Variants in PTBP2 observed in about 807,000 individuals in gnomAD.
PTBP2 encodes the protein polypyrimidine tract binding protein 2, also known as polypyrimidine tract-binding protein 2.
Under a neutral mutation model 61.4 loss-of-function variants are expected in PTBP2, and 13 were observed. The observed-to-expected ratio is 0.21, with a 90% confidence interval of 0.14 to 0.34. The LOEUF (loss-of-function observed/expected upper bound fraction) is 0.34. Ranked by LOEUF, PTBP2 falls within the 10% of genes least tolerant of loss-of-function variation. PTBP2 has a pLI of 1.00. For synonymous variants in PTBP2, 215 were observed against 218.5 expected, an observed-to-expected ratio of 0.98 and a Z score of 0.14; for missense variants, 405 against 642.6, an observed-to-expected ratio of 0.63 and a Z score of 4.00.
At chr1:96,747,592 G>T (rs993394771) in intron 2 of PTBP2, among the ~76,000 whole-genome samples, 5 of 152,038 alleles carry the variant, frequency 3.3e-5, no homozygotes, top group African/African-American at 1.2e-4. Context: ...TCATATTACA[G>T]GTATATATAT....
At chr1:96,774,299 G>A (rs1657770050) in intron 5 of PTBP2, among the ~76,000 whole-genome samples, 1 of 152,106 alleles carries the variant, frequency 6.6e-6, no homozygotes, top group African/African-American at 2.4e-5. Flanking sequence ...CTGTGAACCT[G>A]CCAATTTCTG....
chr1:96,793,244 G>C (rs1317100198), intron 8 of PTBP2, among the ~76,000 whole-genome samples: 1 of 152,118 alleles, frequency 6.6e-6, no homozygotes, highest in African/African-American at 2.4e-5. Context: ...TTATTGAACT[G>C]TCCTCTGCTT....
chr1:96,726,074 CAAAAAAAAAAAAAAAAAAAAAA>C (rs762152365), intron 2 of PTBP2, among the ~76,000 whole-genome samples: 2 of 54,190 alleles, frequency 3.7e-5, no homozygotes, highest in Non-Finnish European at 6.4e-5. Flanking sequence ...GACTCTATCT[CAAAAAAAAAAAAAAAAAAAAAA>C]AAAAAAAAAA....
intron 1 of PTBP2, among the ~76,000 whole-genome samples, chr1:96,723,280 C>T (rs908574877): frequency 6.6e-6 from 1 of 152,142 alleles, no homozygotes; most frequent in Non-Finnish European, 1.5e-5. Context: ...AGTATACTGG[C>T]ATTGTAGAAA....
intron 5 of PTBP2, among the ~76,000 whole-genome samples, chr1:96,776,791 A>G (rs1472988588): frequency 6.6e-6 from 1 of 151,218 alleles, no homozygotes; most frequent in Non-Finnish European, 1.5e-5. Context: ...ATAATATTTG[A>G]TTGACAGATT....
chr1:96,752,061 A>G (rs1339475788), intron 3 of PTBP2, among the ~76,000 whole-genome samples: 3 of 152,098 alleles, frequency 2.0e-5, no homozygotes, highest in Admixed American at 6.6e-5. Flanking sequence ...AAAAAATTGT[A>G]TATGTCTGAA....
chr1:96,782,431 C>G (rs939802423), intron 7 of PTBP2, among the ~76,000 whole-genome samples: 2 of 151,944 alleles, frequency 1.3e-5, no homozygotes, highest in Admixed American at 6.6e-5. Flanking sequence ...TTATCCTTTG[C>G]TAATTTCTTG....
At chr1:96,795,528 G>A (rs1660288515) in intron 8 of PTBP2, among the ~76,000 whole-genome samples, 2 of 152,186 alleles carry the variant, frequency 1.3e-5, no homozygotes. Flanking sequence ...AAGAAAGCAA[G>A]AGGATTAAAG....
intron 8 of PTBP2, among the ~76,000 whole-genome samples, chr1:96,791,205 T>G (rs1659753285): frequency 6.6e-6 from 1 of 152,200 alleles, no homozygotes; most frequent in African/African-American, 2.4e-5. Flanking sequence ...TTGCATTTCA[T>G]ACACAGTGAT....
At chr1:96,791,826 C>CTTTTTTTTGTTTTTTTTTTGTTTTTTTT (rs1482989030) in intron 8 of PTBP2, among the ~76,000 whole-genome samples, 11 of 66,126 alleles carry the variant, frequency 1.7e-4, no homozygotes, top group South Asian at 5.7e-4. Context: ...TGGAGTTGTG[C>CTTTTTTTTGTTTTTTTTTTGTTTTTTTT]TTTTTTTTTT....
At chr1:96,730,438 G>A (rs78809700) in intron 2 of PTBP2, among the ~76,000 whole-genome samples, 1,943 of 151,836 alleles carry the variant, frequency 0.013, 46 homozygotes, top group African/African-American at 0.045. Flanking sequence ...ATATTTCTTT[G>A]ACCCATGGGT....
intron 11 of PTBP2, among the ~76,000 whole-genome samples, chr1:96,810,239 C>T (rs1396011830): frequency 6.6e-6 from 1 of 152,034 alleles, no homozygotes; most frequent in African/African-American, 2.4e-5. Flanking sequence ...TTATTATTGC[C>T]TTGTCCATTT....
intron 2 of PTBP2, among the ~76,000 whole-genome samples, chr1:96,746,852 CCCCT>C (rs1653864860): frequency 1.1e-5 from 1 of 87,124 alleles, no homozygotes; most frequent in South Asian, 6.1e-4. Context: ...TCCCTCCCTC[CCCCT>C]CCCTCCGTCC....
chr1:96,729,456 T>C (rs972765574), intron 2 of PTBP2, among the ~76,000 whole-genome samples: 4 of 152,210 alleles, frequency 2.6e-5, no homozygotes, highest in South Asian at 2.1e-4. Flanking sequence ...AATAGAAGTG[T>C]TGAGAGAATA....
At chr1:96,741,871 A>G (rs990306267) in intron 2 of PTBP2, among the ~76,000 whole-genome samples, 8 of 152,198 alleles carry the variant, frequency 5.3e-5, no homozygotes, top group Non-Finnish European at 8.8e-5. Flanking sequence ...CTTTTCTCCA[A>G]TGATCTGCTT....
chr1:96,822,601 TTTC>T (rs755200668), exon 14 of PTBP2: 2 of 152,234 alleles, frequency 1.3e-5, no homozygotes, highest in Non-Finnish European at 2.9e-5. Flanking sequence ...TTTTTGTATG[TTTC>T]TTTTTTATAA....
intron 2 of PTBP2, among the ~76,000 whole-genome samples, chr1:96,742,215 A>C (rs2100860057): frequency 6.6e-6 from 1 of 152,286 alleles, no homozygotes; most frequent in South Asian, 2.1e-4. Flanking sequence ...CATTTCTTTG[A>C]AGAATTTTCC....
downstream of PTBP2, chr1:96,818,554 T>G (rs1426065291): frequency 6.6e-6 from 1 of 152,116 alleles, no homozygotes; most frequent in African/African-American, 2.4e-5. Context: ...ACCAGACCAG[T>G]GGCAAATTAG....
At chr1:96,746,773 C>T (rs1037863582) in intron 2 of PTBP2, among the ~76,000 whole-genome samples, 39 of 149,736 alleles carry the variant, frequency 2.6e-4, no homozygotes, top group Non-Finnish European at 4.4e-4. Context: ...TTGCTGGTGT[C>T]TTTTCCCAGT....
Sources: allele counts gnomAD v4.1 joint callset (sites outside exome capture counted in the v4.1 genomes callset), GRCh38; gene constraint gnomAD v4.1.1; transcripts MANE v1.5; gene names NCBI Gene and HGNC (gene_info 2026-07-23, HGNC 2026-07-21).